Variants in BICD1 observed in about 807,000 individuals in gnomAD.
BICD1 encodes the protein protein bicaudal D homolog 1.
BICD1 carries 35 observed loss-of-function variants against 92.5 expected under a neutral mutation model. The observed-to-expected ratio is 0.38, with a 90% confidence interval of 0.29 to 0.50. The LOEUF is 0.50. BICD1 is among the 20% of genes least tolerant of loss of function. The pLI is 0.93. For synonymous variants in BICD1, 429 were observed against 465.1 expected (o/e 0.92, Z 1.00); for missense variants, 950 against 1,189.8 (o/e 0.80, Z 2.97).
chr12:32,210,880 A>G (rs915812474), intron 1 of BICD1, among the ~76,000 whole-genome samples: 1 of 152,218 alleles, frequency 6.6e-6, no homozygotes, highest in Non-Finnish European at 1.5e-5. Context: ...TAACCTTGAA[A>G]AACATTGTTT....
rs73091448 is a variant in BICD1 at position 32,152,245 on chromosome 12, G to T, written c.213+44701G>T. On this transcript the variant is annotated intron_variant, in intron 1 of 9. Coordinates refer to ENST00000652176, the MANE Select transcript of BICD1 (RefSeq NM_001714.4). ...GTGCTGGGATTACAGGCAGAGACTA[G>T]TTTTTTTTAACTTTTTTTTTTTTTT... Among the ~76,000 whole-genome samples, 1,153 of 132,610 alleles carry T rather than the reference G, an allele frequency of 8.7e-3. 9 individuals are homozygous for T. Among genetic ancestry groups the T allele is most frequent in the Non-Finnish European group, 0.013 (816 of 62,526 alleles). 87.0% of individuals were successfully genotyped at this position (132,610 alleles called of 152,430 possible). A position where few individuals can be genotyped will look rare whatever the true frequency, so the allele number is the denominator to read the frequency against.
At chr12:32,286,400 C>G (rs1947567835) in intron 2 of BICD1, among the ~76,000 whole-genome samples, 1 of 151,774 alleles carries the variant, frequency 6.6e-6, no homozygotes. Context: ...ATATCATTCA[C>G]TCAGTTGATA....
chr12:32,127,712 G>C (rs1942392359), intron 1 of BICD1, among the ~76,000 whole-genome samples: 1 of 137,216 alleles, frequency 7.3e-6, no homozygotes, highest in Non-Finnish European at 1.6e-5. Flanking sequence ...GAAGTGACAA[G>C]TGTGAACGAA....
In BICD1 at chr12:32,114,688, T is replaced by A. The variant is rs113031445; in HGVS notation, c.213+7144T>A. Among the ~76,000 whole-genome samples, 1,322 of 152,282 alleles carry A rather than the reference T, an allele frequency of 8.7e-3. 18 individuals carry two copies. The highest frequency in any genetic ancestry group is 0.03 in the African/African-American group (1,244 of 41,550). On this transcript the variant is annotated intron_variant, in intron 1 of 9. Coordinates refer to ENST00000652176, the MANE Select transcript of BICD1 (RefSeq NM_001714.4). Reference sequence around the variant, plus strand: ...CTAACTTTCAATTTAATAAAAAAAATTAATTTGTGCAATTGGTTGTTATTT... The same window carrying A: ...CTAACTTTCAATTTAATAAAAAAAAATAATTTGTGCAATTGGTTGTTATTT...
chr12:32,215,781 C>G (rs56090565), intron 1 of BICD1, among the ~76,000 whole-genome samples: 1 of 118,412 alleles, frequency 8.4e-6, no homozygotes, highest in Admixed American at 9.8e-5. Context: ...AACCCCGTCT[C>G]TACTAAAAAT....
chr12:32,324,519 C>T (rs953796268), intron 4 of BICD1, among the ~76,000 whole-genome samples: 2 of 152,120 alleles, frequency 1.3e-5, no homozygotes, highest in African/African-American at 2.4e-5. Context: ...GTGCCAGCAT[C>T]ACTTCCTCTT....
chr12:32,329,547 C>G (rs1937740313), intron 5 of BICD1, among the ~76,000 whole-genome samples: 1 of 152,110 alleles, frequency 6.6e-6, no homozygotes, highest in Admixed American at 6.5e-5. Context: ...AGATTGTTAC[C>G]AACAAATTAA....
intron 1 of BICD1, among the ~76,000 whole-genome samples, chr12:32,132,918 A>G (rs1942603817): frequency 6.6e-6 from 1 of 152,164 alleles, no homozygotes; most frequent in South Asian, 2.1e-4. Context: ...GAGAGAATCT[A>G]CTTGAGGGTA....
At chr12:32,185,435 A>G (rs1012375996) in intron 1 of BICD1, among the ~76,000 whole-genome samples, 1 of 152,242 alleles carries the variant, frequency 6.6e-6, no homozygotes, top group Non-Finnish European at 1.5e-5. Context: ...CTGTACATTC[A>G]TTGCAGGTAA....
chr12:32,374,110 A>C (rs1592732688), intron 9 of BICD1, among the ~76,000 whole-genome samples: 1 of 151,578 alleles, frequency 6.6e-6, no homozygotes, highest in Non-Finnish European at 1.5e-5. Context: ...GCTACTCAGG[A>C]GGCTGAGGCA....
chr12:32,221,526 A>G lies in BICD1; in HGVS notation c.426+5067A>G, dbSNP rs971411657. 6.6e-5 allele frequency among the ~76,000 whole-genome samples: 10 copies of G among 151,892 alleles called. No individual in the cohort carries two copies. The South Asian group carries it at 1.5e-3, about 22-fold the overall frequency. On this transcript the variant is annotated intron_variant, in intron 2 of 9. Coordinates refer to ENST00000652176, the MANE Select transcript of BICD1 (RefSeq NM_001714.4). ...GTGAAATCCCGTCTCTACTAAAAAT[A>G]CAAAAAATTTAGCTGGGTGTGGTGG...
chr12:32,203,049 G>A (rs957184331), intron 1 of BICD1, among the ~76,000 whole-genome samples: 2 of 152,166 alleles, frequency 1.3e-5, no homozygotes, highest in Admixed American at 6.5e-5. Flanking sequence ...AAACACTCAC[G>A]TCAGTGTGAT....
intron 1 of BICD1, among the ~76,000 whole-genome samples, chr12:32,146,417 G>A (rs528818446): frequency 7.2e-5 from 11 of 151,832 alleles, no homozygotes; most frequent in African/African-American, 1.9e-4. Flanking sequence ...AGGGAACTAT[G>A]GTCAAGTGGA....
At chr12:32,359,592 C>G (rs1939246111) in intron 8 of BICD1, among the ~76,000 whole-genome samples, 1 of 152,124 alleles carries the variant, frequency 6.6e-6, no homozygotes, top group Admixed American at 6.5e-5. Context: ...ATGATCCAAT[C>G]ACCTCTTAAA....
intron 4 of BICD1, among the ~76,000 whole-genome samples, chr12:32,307,832 G>A (rs1448193140): frequency 6.6e-6 from 1 of 152,182 alleles, no homozygotes; most frequent in Non-Finnish European, 1.5e-5. Context: ...GTATTCATAA[G>A]AATTTGTGCC....
At chr12:32,240,352 C>A (rs181558311) in intron 2 of BICD1, among the ~76,000 whole-genome samples, 2 of 151,720 alleles carry the variant, frequency 1.3e-5, no homozygotes, top group Admixed American at 6.6e-5. Flanking sequence ...AGGGCCATAC[C>A]CCCAGGAAGG....
At position 32,178,372 on chromosome 12, in the gene BICD1, C is replaced by T. The variant is rs115578280; in HGVS notation, c.214-37875C>T. ...AGAGTATTCTCCAATTGACGTCAAT[C>T]AGTTCTCCACTTGATTGACCTGGAG... On this transcript the variant is annotated intron_variant, in intron 1 of 9. Transcript: ENST00000652176. Among the ~76,000 whole-genome samples the T allele has an allele frequency of 3.8e-3, 581 of 152,072 alleles. 11 individuals carry two copies. Among genetic ancestry groups the T allele is most frequent in the African/African-American group, 0.013 (553 of 41,548 alleles).
At chr12:32,304,992 A>G (rs11051919) in intron 3 of BICD1, among the ~76,000 whole-genome samples, 25,607 of 152,160 alleles carry the variant, frequency 0.17, 2,749 homozygotes, top group African/African-American at 0.3. Flanking sequence ...ATTGCACCCC[A>G]GTCTGGGCAA....
intron 1 of BICD1, among the ~76,000 whole-genome samples, chr12:32,126,658 G>C (rs1942352633): frequency 6.6e-6 from 1 of 152,046 alleles, no homozygotes; most frequent in African/African-American, 2.4e-5. Flanking sequence ...TTGGGAGGCT[G>C]AGGCAGGAGA....
Sources: allele counts gnomAD v4.1 joint callset (sites outside exome capture counted in the v4.1 genomes callset), GRCh38; gene constraint gnomAD v4.1.1; transcripts MANE v1.5; gene names NCBI Gene and HGNC (gene_info 2026-07-23, HGNC 2026-07-21).